Variants in FHIT observed in about 807,000 individuals in gnomAD.
FHIT encodes bis(5'-adenosyl)-triphosphatase.
FHIT carries 19 observed loss-of-function variants against 17.9 expected under a neutral mutation model. That is an observed-to-expected ratio of 1.06 (90% CI 0.74 to 1.56). The LOEUF is 1.56. Ranked by LOEUF, FHIT falls within the 40% of genes most tolerant of loss-of-function variation. The pLI is 0.00. For missense variants in FHIT, 248 were observed against 189.2 expected, an observed-to-expected ratio of 1.31 and a Z score of -1.82; for synonymous variants, 81 against 69.7, an observed-to-expected ratio of 1.16 and a Z score of -0.81.
At chr3:60,782,237 G>GTGTGTGTGTGTATATATATATATATATA (rs1553725880) in intron 4 of FHIT, among the ~76,000 whole-genome samples, 6 of 95,534 alleles carry the variant, frequency 6.3e-5, no homozygotes, top group African/African-American at 2.1e-4. Flanking sequence ...GTGTGTGTGT[G>GTGTGTGTGTGTATATATATATATATATA]TATATATATA....
chr3:59,758,461 C>T (rs1298317281), intron 8 of FHIT, among the ~76,000 whole-genome samples: 2 of 152,088 alleles, frequency 1.3e-5, no homozygotes, highest in African/African-American at 2.4e-5. Context: ...AGATGGTCTC[C>T]GGCCCTACAA....
chr3:60,029,907 G>GTGTGTGTGTGTGTGTGTGTGTC lies in FHIT; in HGVS notation c.104-15756_104-15755insGACACACACACACACACACACA, dbSNP rs1553655785. On this transcript the variant is annotated intron_variant, in intron 5 of 9. Transcript: ENST00000492590. ...TGTGTGTGTGTGTGTCTGTGTGTGTGTGTGTGTGTGTGTGTGTGTGTACAA... is the reference window on the plus strand; with the variant it reads ...TGTGTGTGTGTGTGTCTGTGTGTGTGTGTGTGTGTGTGTGTGTGTGTCTGTGTGTGTGTGTGTGTGTGTACAA... 1.6e-3 allele frequency among the ~76,000 whole-genome samples: 207 copies of GTGTGTGTGTGTGTGTGTGTGTC among 132,592 alleles called. 1 individual carries two copies. Among genetic ancestry groups the GTGTGTGTGTGTGTGTGTGTGTC allele is most frequent in the African/African-American group, 6.1e-3 (190 of 30,942 alleles). The allele number at this position is 132,592 out of a possible 152,430, so 87.0% of individuals were successfully genotyped here.
At chr3:59,919,191 C>T (rs1177430498) in intron 8 of FHIT, among the ~76,000 whole-genome samples, 1 of 152,106 alleles carries the variant, frequency 6.6e-6, no homozygotes, top group Non-Finnish European at 1.5e-5. Context: ...ATCCAAGTGG[C>T]CCATGCACTG....
chr3:60,247,492 C>G (rs779111402), intron 5 of FHIT, among the ~76,000 whole-genome samples: 1 of 152,112 alleles, frequency 6.6e-6, no homozygotes, highest in South Asian at 2.1e-4. Flanking sequence ...TACATAGATA[C>G]ATATTTTTTA....
intron 1 of FHIT, among the ~76,000 whole-genome samples, chr3:61,222,290 C>T (rs1234823923): frequency 2.0e-5 from 3 of 152,216 alleles, no homozygotes; most frequent in African/African-American, 7.2e-5. Flanking sequence ...ACCACTGGAA[C>T]ACATTAGTCC....
intron 5 of FHIT, among the ~76,000 whole-genome samples, chr3:60,137,761 T>G (rs1423855571): frequency 6.6e-6 from 1 of 152,156 alleles, no homozygotes; most frequent in Non-Finnish European, 1.5e-5. Context: ...ATCAACCTCT[T>G]CACCTGTAAA....
intron 8 of FHIT, among the ~76,000 whole-genome samples, chr3:59,836,494 T>C (rs1675606659): frequency 6.6e-6 from 1 of 152,166 alleles, no homozygotes; most frequent in African/African-American, 2.4e-5. Context: ...GGTCCCCTCC[T>C]GTTACAGGAA....
intron 4 of FHIT, among the ~76,000 whole-genome samples, chr3:60,595,825 A>C (rs1024645523): frequency 6.6e-6 from 1 of 151,338 alleles, no homozygotes; most frequent in Non-Finnish European, 1.5e-5. Context: ...TTTTTAAGAG[A>C]TGGGGTCTTG....
chr3:60,031,773 T>C (rs114917308), intron 5 of FHIT, among the ~76,000 whole-genome samples: 21 of 152,116 alleles, frequency 1.4e-4, no homozygotes, highest in African/African-American at 4.6e-4. Flanking sequence ...CCACAGAGGC[T>C]TAGCAGAGGG....
At chr3:60,748,512 T>A (rs149676723) in intron 4 of FHIT, among the ~76,000 whole-genome samples, 11 of 152,246 alleles carry the variant, frequency 7.2e-5, no homozygotes, top group African/African-American at 2.6e-4. Context: ...TCCTCCCGTA[T>A]AATTTAAATC....
intron 4 of FHIT, among the ~76,000 whole-genome samples, chr3:60,683,465 A>G (rs782572405): frequency 6.6e-6 from 1 of 152,156 alleles, no homozygotes; most frequent in Non-Finnish European, 1.5e-5. Flanking sequence ...AAAGATTATG[A>G]CTTACTGAAG....
At chr3:60,472,741 T>C (rs920204009) in intron 5 of FHIT, among the ~76,000 whole-genome samples, 4 of 152,194 alleles carry the variant, frequency 2.6e-5, no homozygotes, top group African/African-American at 9.7e-5. Context: ...AAAATAAAAA[T>C]TGTTTTTAAT....
At chr3:60,345,024 T>C (rs11713599) in intron 5 of FHIT, among the ~76,000 whole-genome samples, 22,878 of 152,126 alleles carry the variant, frequency 0.15, 1,801 homozygotes, top group Non-Finnish European at 0.17. Context: ...ACACTATAAA[T>C]TGCTTTAAAG....
intron 5 of FHIT, among the ~76,000 whole-genome samples, chr3:60,506,304 T>C (rs776006632): frequency 6.6e-6 from 1 of 152,180 alleles, no homozygotes. Flanking sequence ...ATAGGATCTG[T>C]AGCAACAAGT....
chr3:61,123,473 A>G (rs1303298672), intron 2 of FHIT, among the ~76,000 whole-genome samples: 1 of 152,050 alleles, frequency 6.6e-6, no homozygotes, highest in Non-Finnish European at 1.5e-5. Context: ...CACATTCTGC[A>G]CATGTATCCC....
intron 5 of FHIT, among the ~76,000 whole-genome samples, chr3:60,278,325 TA>T (rs1273543704): frequency 6.6e-6 from 1 of 152,178 alleles, no homozygotes; most frequent in Non-Finnish European, 1.5e-5. Flanking sequence ...TCAGGGAAGC[TA>T]TTTTACCAGA....
At chr3:60,530,706 T>A (rs189180574) in intron 5 of FHIT, among the ~76,000 whole-genome samples, 1 of 152,292 alleles carries the variant, frequency 6.6e-6, no homozygotes, top group East Asian at 1.9e-4. Flanking sequence ...GCATTGTAAT[T>A]CTTTAGATGG....
chr3:60,915,097 A>T (rs1706934521), intron 3 of FHIT, among the ~76,000 whole-genome samples: 1 of 152,206 alleles, frequency 6.6e-6, no homozygotes, highest in Admixed American at 6.5e-5. Context: ...TTCCAACAAC[A>T]GAGAGTGAAA....
intron 2 of FHIT, among the ~76,000 whole-genome samples, chr3:61,138,051 C>T (rs1254023789): frequency 1.3e-5 from 2 of 152,212 alleles, no homozygotes; most frequent in African/African-American, 4.8e-5. Context: ...TACTTAACCG[C>T]TCTGTGACTC....
Sources: gnomAD v4.1 joint callset for allele counts (sites outside exome capture counted in the v4.1 genomes callset) on GRCh38, gnomAD v4.1.1 for gene constraint, MANE v1.5 for transcripts, NCBI Gene and HGNC (gene_info 2026-07-23, HGNC 2026-07-21) for gene names.